The following NAALADL2 variants were observed in gnomAD, a reference collection of about 807,000 sequenced individuals.
NAALADL2 encodes the protein N-acetylated alpha-linked acidic dipeptidase like 2.
NAALADL2 carries 76 observed loss-of-function variants against 87.2 expected under a neutral mutation model. The ratio of observed to expected loss-of-function variants is 0.87; its 90% CI spans 0.72 to 1.05. The LOEUF (loss-of-function observed/expected upper bound fraction) is 1.05. Ranked by LOEUF, NAALADL2 falls within the 50% of genes least tolerant of loss-of-function variation. The probability of loss-of-function intolerance (pLI) is 0.00; values close to 1 mark genes in which losing one functional copy is unlikely to be tolerated. For synonymous variants in NAALADL2, 354 were observed against 331.0 expected, an observed-to-expected ratio of 1.07 and a Z score of -0.75; for missense variants, 1,089 against 945.8, an observed-to-expected ratio of 1.15 and a Z score of -1.99.
rs1365060988 is a variant in NAALADL2, at chr3:175,023,367, T to C, written c.44-73423T>C. Among the ~76,000 whole-genome samples the C allele has an allele frequency of 2.0e-5, 3 of 152,134 alleles. No individual in the cohort carries two copies. In the East Asian group the frequency reaches 5.8e-4, roughly 29 times the overall value. ...TGTTTCTTATCACATAAATAGCATTTATTCAATAAGACAGATAATAGTCTA... is the reference window on the plus strand; with the variant it reads ...TGTTTCTTATCACATAAATAGCATTCATTCAATAAGACAGATAATAGTCTA... On this transcript the variant is annotated intron_variant, in intron 1 of 13. Coordinates refer to ENST00000454872, the MANE Select transcript of NAALADL2 (RefSeq NM_207015.3).
At chr3:175,236,758 T>C (rs1363302227) in intron 3 of NAALADL2, among the ~76,000 whole-genome samples, 1 of 152,160 alleles carries the variant, frequency 6.6e-6, no homozygotes, top group South Asian at 2.1e-4. Flanking sequence ...TCCTGTGATA[T>C]TTGTGCAGAT....
At chr3:175,491,634 G>A (rs1728109841) in intron 9 of NAALADL2, among the ~76,000 whole-genome samples, 1 of 152,040 alleles carries the variant, frequency 6.6e-6, no homozygotes, top group Non-Finnish European at 1.5e-5. Context: ...ATACTTATTA[G>A]TTGTGGACAA....
intron 11 of NAALADL2, among the ~76,000 whole-genome samples, chr3:175,682,732 A>G (rs920744070): frequency 3.3e-5 from 5 of 152,006 alleles, no homozygotes; most frequent in African/African-American, 9.7e-5. Context: ...TTTTATAGAC[A>G]TGTTTACACT....
chr3:174,625,041 C>CTA, intron 2 of NAALADL2, among the ~76,000 whole-genome samples: 3 of 88,376 alleles, frequency 3.4e-5, no homozygotes, highest in South Asian at 8.8e-4. Flanking sequence ...CTATTTATTG[C>CTA]TATCTCTCTC....
intron 11 of NAALADL2, among the ~76,000 whole-genome samples, chr3:175,648,779 G>T (rs1730366934): frequency 6.6e-6 from 1 of 152,054 alleles, no homozygotes; most frequent in Non-Finnish European, 1.5e-5. Flanking sequence ...GCTTAAAAAG[G>T]TATTATTTTC....
intron 2 of NAALADL2, among the ~76,000 whole-genome samples, chr3:175,230,165 A>G (rs1377689481): frequency 1.3e-5 from 2 of 151,998 alleles, no homozygotes; most frequent in Non-Finnish European, 2.9e-5. Context: ...TCACACATAC[A>G]CACACATTCT....
In NAALADL2 at chr3:175,606,708, C is replaced by T. The variant is rs566327709; in HGVS notation, c.1801-20583C>T. Among the ~76,000 whole-genome samples, 20 of 152,090 alleles carry T rather than the reference C, an allele frequency of 1.3e-4. 1 individual carries two copies. In the South Asian group the frequency reaches 3.5e-3, roughly 27 times the overall value. On this transcript the variant is annotated intron_variant, in intron 10 of 13. Transcript: ENST00000454872. ...TTTATTCTAAATCCATATCATGATT[C>T]GCTTCTACTTGAGGCAAACAGAAGA...
chr3:174,698,938 T>C (rs1729285684), intron 2 of NAALADL2, among the ~76,000 whole-genome samples: 1 of 147,812 alleles, frequency 6.8e-6, no homozygotes, highest in South Asian at 2.1e-4. Flanking sequence ...TATTTATATA[T>C]ATATATGAAT....
intron 1 of NAALADL2, among the ~76,000 whole-genome samples, chr3:174,987,598 A>C (rs113140946): frequency 0.061 from 8,250 of 135,262 alleles, 1,013 homozygotes; most frequent in African/African-American, 0.2. Flanking sequence ...AAAAAAAAAA[A>C]CAATACTCAT....
intron 2 of NAALADL2, among the ~76,000 whole-genome samples, chr3:174,668,323 T>G (rs1385363394): frequency 6.6e-6 from 1 of 152,154 alleles, no homozygotes; most frequent in Middle Eastern, 3.2e-3. Flanking sequence ...TTTCACTCCC[T>G]TGATTATGTC....
At chr3:174,905,315 C>T (rs565016075) in intron 1 of NAALADL2, among the ~76,000 whole-genome samples, 27 of 151,798 alleles carry the variant, frequency 1.8e-4, no homozygotes, top group Non-Finnish European at 2.2e-4. Flanking sequence ...TCATATATTG[C>T]TTAATTTGGA....
intron 9 of NAALADL2, among the ~76,000 whole-genome samples, chr3:175,551,628 G>T (rs548861373): frequency 6.6e-6 from 1 of 152,078 alleles, no homozygotes; most frequent in African/African-American, 2.4e-5. Flanking sequence ...GGCCGGGCGC[G>T]GTGACTCACG....
intron 1 of NAALADL2, among the ~76,000 whole-genome samples, chr3:174,974,504 A>G (rs560908456): frequency 6.6e-6 from 1 of 152,180 alleles, no homozygotes; most frequent in Admixed American, 6.5e-5. Flanking sequence ...CATGTCAACT[A>G]AGGATATTAA....
chr3:175,278,660 T>G (rs918941988), intron 4 of NAALADL2, among the ~76,000 whole-genome samples: 27 of 152,326 alleles, frequency 1.8e-4, no homozygotes, highest in African/African-American at 5.8e-4. Context: ...GGCATACTTA[T>G]GTGATATGAT....
intron 2 of NAALADL2, among the ~76,000 whole-genome samples, chr3:175,224,005 A>C (rs536748398): frequency 6.6e-6 from 1 of 152,162 alleles, no homozygotes; most frequent in Non-Finnish European, 1.5e-5. Context: ...GACAATTACA[A>C]TGTTGAAACT....
intron 2 of NAALADL2, among the ~76,000 whole-genome samples, chr3:174,671,453 AC>A (rs1726526546): frequency 6.6e-6 from 1 of 151,980 alleles, no homozygotes; most frequent in Non-Finnish European, 1.5e-5. Context: ...GATAGACACA[AC>A]CCCTGCAGGC....
intron 10 of NAALADL2, among the ~76,000 whole-genome samples, chr3:175,604,208 T>C (rs1723350968): frequency 6.6e-6 from 1 of 152,118 alleles, no homozygotes; most frequent in Non-Finnish European, 1.5e-5. Flanking sequence ...CAAAACTTGA[T>C]ATTTTCATAG....
chr3:174,565,892 T>G (rs78708126), intron 2 of NAALADL2, among the ~76,000 whole-genome samples: 11,818 of 152,090 alleles, frequency 0.078, 578 homozygotes, highest in Non-Finnish European at 0.11. Context: ...CATCAGACAT[T>G]TCCTTTTGTA....
intron 2 of NAALADL2, among the ~76,000 whole-genome samples, chr3:175,171,440 G>A (rs1240334050): frequency 6.6e-6 from 1 of 151,996 alleles, no homozygotes; most frequent in Non-Finnish European, 1.5e-5. Flanking sequence ...GGAGTTGTGT[G>A]TATAATATAT....
Sources: gnomAD v4.1 joint callset for allele counts (sites outside exome capture counted in the v4.1 genomes callset) on GRCh38, gnomAD v4.1.1 for gene constraint, MANE v1.5 for transcripts, NCBI Gene and HGNC (gene_info 2026-07-23, HGNC 2026-07-21) for gene names.